The following ELMOD1 variants were observed in gnomAD, a reference collection of about 807,000 sequenced individuals.
ELMOD1 encodes ELMO domain containing 1.
ELMOD1 carries 21 observed loss-of-function variants against 46.7 expected under a neutral mutation model. The observed-to-expected ratio is 0.45, with a 90% CI of 0.32 to 0.65. The LOEUF is 0.65. Among genes scored for constraint, ELMOD1 ranks in the 30% least tolerant of loss-of-function variants. The probability of loss-of-function intolerance (pLI) is 0.04; values close to 1 mark genes in which losing one functional copy is unlikely to be tolerated. For missense variants in ELMOD1, 348 were observed against 407.8 expected, an observed-to-expected ratio of 0.85 and a Z score of 1.26; for synonymous variants, 122 against 138.2, an observed-to-expected ratio of 0.88 and a Z score of 0.82.
In ELMOD1 at chr11:107,666,618, T is replaced by C. The variant is rs1866850146; in HGVS notation, c.*1421T>C. The C allele has an allele frequency of 3.3e-5, 5 of 152,666 alleles. No individual in the cohort carries two copies. Among genetic ancestry groups the C allele is most frequent in the Admixed American group, 3.3e-4 (5 of 15,292 alleles). The allele number at this position is 152,666 out of a possible 1,614,324, so 9.5% of individuals were successfully genotyped here. On this transcript the variant is annotated 3_prime_UTR_variant, in exon 12 of 12. Coordinates refer to ENST00000265840, the MANE Select transcript of ELMOD1 (RefSeq NM_018712.4). Reference sequence around the variant, plus strand: ...ATTATGATTGTAGTCTGTTGAATAGTATTTACCATGGCATTTCATACCCAT... The same window carrying C: ...ATTATGATTGTAGTCTGTTGAATAGCATTTACCATGGCATTTCATACCCAT...
intron 1 of ELMOD1, among the ~76,000 whole-genome samples, chr11:107,609,186 G>A (rs1201689561): frequency 2.6e-5 from 4 of 152,198 alleles, no homozygotes; most frequent in Admixed American, 1.3e-4. Context: ...TAAGTACTTT[G>A]TGAATATTTG....
intron 6 of ELMOD1, among the ~76,000 whole-genome samples, chr11:107,644,499 G>C (rs1866383579): frequency 6.6e-6 from 1 of 151,608 alleles, no homozygotes; most frequent in Non-Finnish European, 1.5e-5. Context: ...TTTTGAGACA[G>C]AGTCTCGCTC....
Position 107,631,632 on chromosome 11 carries a change from A to C in ELMOD1, c.245A>C (p.Glu82Ala). ...CCCGACGCTATTGAAAAAACTATAG[A>C]AGATATCATGGAACTGAAAAAAATT... ...VHPDAIEKTI[E>A]DIMELKKINP... Residue 82 changes from glutamate (E) to alanine (A), a missense_variant, in exon 5 of 12, where the codon GAA becomes GCA. Transcript: ENST00000265840. 2 of 1,564,190 alleles carry C rather than the reference A, an allele frequency of 1.3e-6. No homozygotes were observed. Among genetic ancestry groups the C allele is most frequent in the Non-Finnish European group, 1.7e-6 (2 of 1,153,340 alleles).
At chr11:107,633,334 C>A (rs1020696366) in intron 5 of ELMOD1, among the ~76,000 whole-genome samples, 9 of 152,252 alleles carry the variant, frequency 5.9e-5, no homozygotes, top group Admixed American at 2.6e-4. Context: ...TATAACTTAC[C>A]AAACTGTTAC....
chr11:107,660,450 T>C (rs1173727949), intron 11 of ELMOD1, among the ~76,000 whole-genome samples: 1 of 152,034 alleles, frequency 6.6e-6, no homozygotes, highest in Non-Finnish European at 1.5e-5. Context: ...TGGAGTGAGG[T>C]TAGGTGTAAT....
intron 6 of ELMOD1, among the ~76,000 whole-genome samples, chr11:107,638,232 A>G (rs1413785088): frequency 1.3e-5 from 2 of 152,182 alleles, no homozygotes; most frequent in Non-Finnish European, 2.9e-5. Context: ...CAAACTTAGG[A>G]GTGGGAATCT....
intron 2 of ELMOD1, among the ~76,000 whole-genome samples, chr11:107,621,426 T>A (rs1865946037): frequency 6.6e-6 from 1 of 152,222 alleles, no homozygotes; most frequent in African/African-American, 2.4e-5. Context: ...TAACTACAAA[T>A]TGGATTTTTA....
At chr11:107,632,015 T>C (rs148769613) in intron 5 of ELMOD1, among the ~76,000 whole-genome samples, 448 of 152,298 alleles carry the variant, frequency 2.9e-3, no homozygotes, top group Admixed American at 6.0e-3. Flanking sequence ...AAATTGTAAA[T>C]GTGCTTAAGC....
At chr11:107,635,174 A>C (rs1444610897) in intron 5 of ELMOD1, among the ~76,000 whole-genome samples, 1 of 152,136 alleles carries the variant, frequency 6.6e-6, no homozygotes, top group Non-Finnish European at 1.5e-5. Flanking sequence ...CATCTTTCTA[A>C]GGTAATTCTG....
intron 7 of ELMOD1, among the ~76,000 whole-genome samples, chr11:107,649,891 C>A (rs891468407): frequency 2.0e-5 from 3 of 152,158 alleles, no homozygotes; most frequent in African/African-American, 4.8e-5. Flanking sequence ...TTCCATTCAT[C>A]CAGAATTCAA....
intron 5 of ELMOD1, 33 bp from the exon 6 acceptor site, chr11:107,635,603 C>T: frequency 1.3e-6 from 2 of 1,599,938 alleles, no homozygotes; most frequent in Non-Finnish European, 1.7e-6. Context: ...CCTGTTCTTC[C>T]TTGTGTGTCT....
rs114319423 is a variant in ELMOD1, at chr11:107,638,194, A to T, written c.420+2429A>T. 9.3e-3 allele frequency among the ~76,000 whole-genome samples: 1,413 copies of T among 152,284 alleles called. 28 individuals are homozygous for T. Among genetic ancestry groups the T allele is most frequent in the African/African-American group, 0.033 (1,376 of 41,554 alleles). ...CGTTTTTTAAATCCTTACTCACTGA[A>T]TTTTGAAATCTTCACTAGCTCCCCA... is the stretch of plus-strand genomic sequence containing the variant. On this transcript the variant is annotated intron_variant, in intron 6 of 11. Transcript: ENST00000265840.
intron 1 of ELMOD1, among the ~76,000 whole-genome samples, chr11:107,599,650 G>C (rs1471309063): frequency 6.9e-6 from 1 of 145,564 alleles, no homozygotes; most frequent in Non-Finnish European, 1.5e-5. Flanking sequence ...GCTGAGGTGA[G>C]AGAATCACTT....
intron 9 of ELMOD1, among the ~76,000 whole-genome samples, chr11:107,651,649 T>C (rs544948373): frequency 2.0e-5 from 3 of 152,364 alleles, no homozygotes; most frequent in African/African-American, 7.2e-5. Flanking sequence ...TCTTGTTATA[T>C]GGTTAAAATC....
At chr11:107,663,577 T>C (rs1866783181) in intron 11 of ELMOD1, among the ~76,000 whole-genome samples, 1 of 151,672 alleles carries the variant, frequency 6.6e-6, no homozygotes. Context: ...TAAACAAATA[T>C]AAGCATGCTT....
intron 6 of ELMOD1, among the ~76,000 whole-genome samples, chr11:107,637,592 C>T (rs1866250649): frequency 6.6e-6 from 1 of 151,976 alleles, no homozygotes; most frequent in Admixed American, 6.6e-5. Flanking sequence ...ACTCGGGAGG[C>T]TGAGGCAGGA....
At chr11:107,615,899 G>A (rs1027907123) in intron 1 of ELMOD1, among the ~76,000 whole-genome samples, 86 of 151,536 alleles carry the variant, frequency 5.7e-4, no homozygotes, top group African/African-American at 1.7e-3. Flanking sequence ...ATCATATCAG[G>A]TCAAGGTTAC....
chr11:107,639,150 A>T (rs1234934926), intron 6 of ELMOD1, among the ~76,000 whole-genome samples: 4 of 151,858 alleles, frequency 2.6e-5, no homozygotes, highest in Admixed American at 6.6e-5. Flanking sequence ...CCTTTCTAAA[A>T]AATAATAATA....
intron 5 of ELMOD1, among the ~76,000 whole-genome samples, chr11:107,634,739 T>C (rs894227382): frequency 2.0e-5 from 3 of 151,980 alleles, no homozygotes; most frequent in Non-Finnish European, 4.4e-5. Context: ...AGACTCTGTC[T>C]CAAAACATAA....
Sources: gnomAD v4.1 joint callset for allele counts (sites outside exome capture counted in the v4.1 genomes callset) on GRCh38, gnomAD v4.1.1 for gene constraint, MANE v1.5 for transcripts, NCBI Gene and HGNC (gene_info 2026-07-23, HGNC 2026-07-21) for gene names.